The following DOCK4 variants were observed in gnomAD, a reference collection of about 807,000 sequenced individuals.
DOCK4 encodes the protein dedicator of cytokinesis 4.
Under a neutral mutation model 268.1 loss-of-function variants are expected in DOCK4, and 97 were observed. The observed-to-expected ratio is 0.36, with a 90% CI of 0.31 to 0.43. The LOEUF is 0.43. DOCK4 is among the 20% of genes least tolerant of loss of function. The pLI is 1.00. For synonymous variants in DOCK4, 954 were observed against 887.2 expected, an observed-to-expected ratio of 1.08 and a Z score of -1.34; for missense variants, 2,145 against 2,455.7, an observed-to-expected ratio of 0.87 and a Z score of 2.67.
chr7:111,860,478 T>C (rs973632577), intron 23 of DOCK4, among the ~76,000 whole-genome samples: 1 of 152,216 alleles, frequency 6.6e-6, no homozygotes, highest in African/African-American at 2.4e-5. Context: ...AGAAGCCTTT[T>C]CTCTGTTGAA....
intron 11 of DOCK4, among the ~76,000 whole-genome samples, chr7:111,938,499 C>A (rs933136001): frequency 1.3e-5 from 2 of 152,114 alleles, no homozygotes; most frequent in African/African-American, 4.8e-5. Context: ...TGTGGAAACC[C>A]TAATAAGTCT....
chr7:111,823,275 C>A (rs994298559), intron 26 of DOCK4, among the ~76,000 whole-genome samples: 1 of 142,538 alleles, frequency 7.0e-6, no homozygotes, highest in African/African-American at 2.8e-5. Flanking sequence ...GGCGTGATCT[C>A]GGCTCACTGC....
In DOCK4 at chr7:111,964,221, G is replaced by C. The variant is rs1301403567; in HGVS notation, c.701+12911C>G. 1.6e-3 allele frequency among the ~76,000 whole-genome samples: 207 copies of C among 127,834 alleles called. 19 individuals are homozygous for C. Among genetic ancestry groups the C allele is most frequent in the East Asian group, 4.4e-3 (18 of 4,118 alleles). The allele number at this position is 127,834 out of a possible 152,430, so 83.9% of individuals were successfully genotyped here. A position where few individuals can be genotyped will look rare whatever the true frequency, so the allele number is the denominator to read the frequency against. On this transcript the variant is annotated intron_variant, in intron 8 of 52. Coordinates refer to ENST00000428084, the MANE Select transcript of DOCK4 (RefSeq NM_001363540.2). ...AAGCTGGATGGAGAATGATTTTGACGAGCTGAGAGAAGGCTTCAGACGATC... is the reference window on the plus strand; with the variant it reads ...AAGCTGGATGGAGAATGATTTTGACCAGCTGAGAGAAGGCTTCAGACGATC...
chr7:111,738,609 T>A (rs1795674408), intron 49 of DOCK4, among the ~76,000 whole-genome samples: 1 of 152,212 alleles, frequency 6.6e-6, no homozygotes, highest in Non-Finnish European at 1.5e-5. Context: ...CCTTTTAGCA[T>A]CACTGCCAAG....
intron 16 of DOCK4, among the ~76,000 whole-genome samples, chr7:111,890,380 C>A (rs749550124): frequency 6.6e-6 from 1 of 152,016 alleles, no homozygotes; most frequent in African/African-American, 2.4e-5. Flanking sequence ...TGGTTATTAG[C>A]GAACTAGCAA....
At chr7:111,959,972 C>A (rs1340507593) in intron 8 of DOCK4, among the ~76,000 whole-genome samples, 1 of 152,196 alleles carries the variant, frequency 6.6e-6, no homozygotes, top group African/African-American at 2.4e-5. Flanking sequence ...CTGCACTCAG[C>A]AATTCTATGA....
At chr7:111,807,891 C>T (rs982942005) in intron 30 of DOCK4, 2 of 149,480 alleles carry the variant, frequency 1.3e-5, no homozygotes, top group Non-Finnish European at 2.9e-5. Context: ...GAGGAATATA[C>T]ATACCCTATT....
intron 8 of DOCK4, among the ~76,000 whole-genome samples, chr7:111,954,906 T>G (rs749861755): frequency 2.0e-5 from 3 of 152,254 alleles, no homozygotes; most frequent in African/African-American, 7.2e-5. Context: ...GTGAGCTGTA[T>G]AAAGCCCAGG....
At chr7:112,076,225 A>G (rs1808056678) in intron 1 of DOCK4, among the ~76,000 whole-genome samples, 1 of 152,142 alleles carries the variant, frequency 6.6e-6, no homozygotes. Flanking sequence ...CCCTTGAAAC[A>G]GGTATAACAC....
At chr7:112,117,990 C>T (rs1812335658) in intron 1 of DOCK4, among the ~76,000 whole-genome samples, 2 of 152,134 alleles carry the variant, frequency 1.3e-5, no homozygotes, top group African/African-American at 4.8e-5. Flanking sequence ...GAAAGAATGG[C>T]CTCCTCCTCC....
intron 1 of DOCK4, among the ~76,000 whole-genome samples, chr7:112,110,032 C>T (rs1248108468): frequency 6.6e-6 from 1 of 152,130 alleles, no homozygotes; most frequent in Non-Finnish European, 1.5e-5. Context: ...GCGTGAGCCA[C>T]CGCGCCCGGC....
At chr7:111,883,299 T>C (rs1762636865) in intron 16 of DOCK4, among the ~76,000 whole-genome samples, 1 of 152,086 alleles carries the variant, frequency 6.6e-6, no homozygotes, top group African/African-American at 2.4e-5. Flanking sequence ...CCCTATCTGG[T>C]CTATAGTGTT....
chr7:111,993,320 T>C (rs1045246856), intron 5 of DOCK4, among the ~76,000 whole-genome samples: 1 of 152,228 alleles, frequency 6.6e-6, no homozygotes, highest in African/African-American at 2.4e-5. Context: ...ATTAAGCTGT[T>C]CTACAAATTT....
At chr7:111,881,911 G>C (rs934836394) in intron 16 of DOCK4, among the ~76,000 whole-genome samples, 2 of 152,202 alleles carry the variant, frequency 1.3e-5, no homozygotes, top group African/African-American at 4.8e-5. Context: ...GAGAGTAGGG[G>C]ATGGTTACCA....
chr7:111,962,921 G>A (rs185747614), intron 8 of DOCK4, among the ~76,000 whole-genome samples: 2 of 152,056 alleles, frequency 1.3e-5, no homozygotes, highest in Non-Finnish European at 2.9e-5. Flanking sequence ...TACTACCCTG[G>A]TGCTATTTTC....
At chr7:111,930,065 A>T (rs1011576167) in intron 12 of DOCK4, among the ~76,000 whole-genome samples, 4 of 152,208 alleles carry the variant, frequency 2.6e-5, no homozygotes, top group African/African-American at 9.7e-5. Context: ...CCATTTGCTC[A>T]ACAAACCTAA....
chr7:111,823,473 G>C (rs1230603846), intron 26 of DOCK4, among the ~76,000 whole-genome samples: 1 of 152,088 alleles, frequency 6.6e-6, no homozygotes, highest in Non-Finnish European at 1.5e-5. Flanking sequence ...CTCCCAAAGT[G>C]CTGGGATTCC....
In DOCK4 at chr7:111,769,554, A is replaced by T; in HGVS notation, c.3803T>A (p.Ile1268Asn). 1 of 1,613,726 alleles carries T rather than the reference A, an allele frequency of 6.2e-7. No individual in the cohort carries two copies. The highest frequency in any genetic ancestry group is 8.5e-7 in the Non-Finnish European group (1 of 1,179,738). ...TTTGCCTCTGTCAAAGTTCTGGATG[A>T]TGGTGAGGTGCAGGTGCTCTTTGCG... The part of the protein sequence containing the change: ...WQRKEHLHLT[I>N]IQNFDRGKCW... Residue 1268 changes from isoleucine to asparagine, a missense_variant, in exon 37 of 53, where the codon ATC becomes AAC. Around this residue, in one of 2 missense-constraint regions of DOCK4, gnomAD observed 1,598 missense variants for 1,986.7 expected, o/e 0.80. Transcript: ENST00000428084.
chr7:111,775,812 C>T (rs1371534737), intron 36 of DOCK4, among the ~76,000 whole-genome samples: 1 of 152,150 alleles, frequency 6.6e-6, no homozygotes, highest in Non-Finnish European at 1.5e-5. Flanking sequence ...TCTTTGACTG[C>T]TTTGCCCACA....
Sources: allele counts gnomAD v4.1 joint callset (sites outside exome capture counted in the v4.1 genomes callset), GRCh38; gene constraint gnomAD v4.1.1; regional missense constraint gnomAD v4.1.1; transcripts MANE v1.5; gene names NCBI Gene and HGNC (gene_info 2026-07-23, HGNC 2026-07-21).